Variants in LRRC8D observed in about 807,000 individuals in gnomAD.
LRRC8D encodes volume-regulated anion channel subunit LRRC8D.
In LRRC8D, 20 loss-of-function variants were observed where a neutral mutation model predicts 55.8. That is an observed-to-expected ratio of 0.36 (90% CI 0.25 to 0.52). The LOEUF (loss-of-function observed/expected upper bound fraction) is 0.52. Ranked by LOEUF, LRRC8D falls within the 20% of genes least tolerant of loss-of-function variation. The pLI, the probability that LRRC8D is intolerant of heterozygous loss-of-function variation, is 0.93. For missense variants in LRRC8D, 651 were observed against 1,030.8 expected (o/e 0.63, Z 5.05); for synonymous variants, 352 against 377.0 (o/e 0.93, Z 0.77).
Position 89,933,375 on chromosome 1 carries a change from T to G in LRRC8D, c.307T>G (p.Ser103Ala). 1 of 1,614,116 alleles carries G rather than the reference T, an allele frequency of 6.2e-7. No homozygotes were observed. Among genetic ancestry groups the G allele is most frequent in the Non-Finnish European group, 8.5e-7 (1 of 1,180,028 alleles). ...RTTNDISFGT[S>A]AVTPDIPLRA... ...AACAAACGACATTTCCTTTGGGACA[T>G]CTGCTGTGACACCTGACATACCTCT... The change falls in exon 3 of 3, where the codon TCT becomes GCT. Residue 103 changes from serine (S) to alanine (A), a missense_variant. By Grantham distance (99) the Ser-to-Ala change is moderately conservative. Around this residue, in one of 5 missense-constraint regions of LRRC8D, gnomAD observed 118 missense variants for 138.0 expected, o/e 0.85. Transcript: ENST00000337338. The surrounding 1 kb of genome is among the most constrained non-coding windows in gnomAD (Gnocchi z 7.0).
intron 1 of LRRC8D, among the ~76,000 whole-genome samples, chr1:89,834,776 G>A (rs1660966389): frequency 6.6e-6 from 1 of 152,204 alleles, no homozygotes. Context: ...ATGGTGACAG[G>A]TAGAGAATTG....
chr1:89,866,834 A>C (rs182681357), intron 2 of LRRC8D, among the ~76,000 whole-genome samples: 1 of 152,178 alleles, frequency 6.6e-6, no homozygotes, highest in Non-Finnish European at 1.5e-5. Flanking sequence ...GCAGGGCAGC[A>C]AGGAGAGTTA....
At chr1:89,860,756 CAAAAAAAAAA>C (rs1181859656) in intron 2 of LRRC8D, among the ~76,000 whole-genome samples, 2 of 18,842 alleles carry the variant, frequency 1.1e-4, no homozygotes, top group Non-Finnish European at 1.7e-4. Context: ...GACTCTATCT[CAAAAAAAAAA>C]AAAAAAAAAA....
At chr1:89,899,128 A>C (rs1220513208) in intron 2 of LRRC8D, among the ~76,000 whole-genome samples, 2 of 152,224 alleles carry the variant, frequency 1.3e-5, no homozygotes, top group Admixed American at 1.3e-4. Context: ...ATTCAGGTGT[A>C]GATTCAAGGG....
At chr1:89,896,790 T>C (rs1662725407) in intron 2 of LRRC8D, among the ~76,000 whole-genome samples, 1 of 152,214 alleles carries the variant, frequency 6.6e-6, no homozygotes, top group South Asian at 2.1e-4. Context: ...TCCTCTCTTT[T>C]CTTGTGAATC....
intron 2 of LRRC8D, among the ~76,000 whole-genome samples, chr1:89,920,414 A>C (rs1663381190): frequency 6.6e-6 from 1 of 152,188 alleles, no homozygotes. Flanking sequence ...CTAATGTGAA[A>C]TCTGAGATTG....
chr1:89,906,096 T>G (rs947114761), intron 2 of LRRC8D, among the ~76,000 whole-genome samples: 2 of 152,228 alleles, frequency 1.3e-5, no homozygotes, highest in Non-Finnish European at 2.9e-5. Flanking sequence ...GGCAGCCGCA[T>G]TGTTCCCTGG....
chr1:89,845,625 C>T (rs1357447092), intron 2 of LRRC8D, among the ~76,000 whole-genome samples: 2 of 151,854 alleles, frequency 1.3e-5, no homozygotes, highest in Non-Finnish European at 2.9e-5. Context: ...TTAGTAGAGA[C>T]AGGGTTTCAC....
intron 2 of LRRC8D, among the ~76,000 whole-genome samples, chr1:89,908,182 A>G (rs1409084905): frequency 6.6e-6 from 1 of 152,192 alleles, no homozygotes; most frequent in Non-Finnish European, 1.5e-5. Flanking sequence ...ATATTTGTGA[A>G]AGCTTTGAAA....
intron 2 of LRRC8D, among the ~76,000 whole-genome samples, chr1:89,895,548 A>AC (rs5776029): frequency 0.37 from 56,897 of 151,980 alleles, 11,094 homozygotes; most frequent in African/African-American, 0.46. Flanking sequence ...TTAAAGATGT[A>AC]CTGTTTGTTT....
rs927632655 is a variant in LRRC8D at position 89,843,557 on chromosome 1, C to G, written c.-147-81C>G. ...AGCGGTGACCCCCTGGTCTTGCCTCCCCGCCGCCCTGCACTCCTTCCTCCC... is the reference window on the plus strand; with the variant it reads ...AGCGGTGACCCCCTGGTCTTGCCTCGCCGCCGCCCTGCACTCCTTCCTCCC... On this transcript the variant is annotated intron_variant, in intron 1 of 2. Transcript: ENST00000337338. 8 of 687,178 alleles carry G rather than the reference C, an allele frequency of 1.2e-5. No individual in the cohort carries two copies. The African/African-American group carries it at 1.4e-4, about 12-fold the overall frequency. 42.6% of individuals were successfully genotyped at this position (687,178 alleles called of 1,614,324 possible). A position where few individuals can be genotyped will look rare whatever the true frequency, so the allele number is the denominator to read the frequency against.
intron 2 of LRRC8D, among the ~76,000 whole-genome samples, chr1:89,926,733 GA>G (rs1351432755): frequency 1.8e-4 from 27 of 152,260 alleles, no homozygotes; most frequent in Admixed American, 1.4e-3. Context: ...GGGTTATTAT[GA>G]AAATAAATAG....
intron 2 of LRRC8D, among the ~76,000 whole-genome samples, chr1:89,868,812 C>G (rs1661920127): frequency 6.6e-6 from 1 of 152,192 alleles, no homozygotes; most frequent in African/African-American, 2.4e-5. Flanking sequence ...ACAAAAATGT[C>G]TTTCTTATTC....
At chr1:89,919,694 C>T (rs1305052741) in intron 2 of LRRC8D, among the ~76,000 whole-genome samples, 1 of 152,138 alleles carries the variant, frequency 6.6e-6, no homozygotes, top group Non-Finnish European at 1.5e-5. Context: ...TCTCTGGAGC[C>T]TTTATTAAGG....
intron 1 of LRRC8D, among the ~76,000 whole-genome samples, chr1:89,833,241 A>T (rs1372611527): frequency 6.6e-6 from 1 of 152,210 alleles, no homozygotes; most frequent in Non-Finnish European, 1.5e-5. Flanking sequence ...TGCCTCCCCA[A>T]ACCAAATGAA....
chr1:89,913,345 TATC>T (rs1300518487), intron 2 of LRRC8D, among the ~76,000 whole-genome samples: 1 of 152,224 alleles, frequency 6.6e-6, no homozygotes, highest in African/African-American at 2.4e-5. Context: ...ACTTAGTAGT[TATC>T]ATAGAAATGG....
At chr1:89,868,488 G>A (rs545978431) in intron 2 of LRRC8D, among the ~76,000 whole-genome samples, 5 of 152,108 alleles carry the variant, frequency 3.3e-5, no homozygotes, top group African/African-American at 7.2e-5. Flanking sequence ...TCCATGACAC[G>A]AATGAGGTTT....
At chr1:89,903,259 A>C (rs1249043428) in intron 2 of LRRC8D, among the ~76,000 whole-genome samples, 1 of 152,188 alleles carries the variant, frequency 6.6e-6, no homozygotes, top group Non-Finnish European at 1.5e-5. Context: ...AGCACTCTCC[A>C]TTTGAGTTGT....
chr1:89,929,591 C>G (rs1302040593), intron 2 of LRRC8D, among the ~76,000 whole-genome samples: 1 of 152,172 alleles, frequency 6.6e-6, no homozygotes, highest in African/African-American at 2.4e-5. Context: ...GACATCCTGG[C>G]CTCCCTAGAA....
Sources: gnomAD v4.1 joint callset for allele counts (sites outside exome capture counted in the v4.1 genomes callset) on GRCh38, gnomAD v4.1.1 for gene constraint, gnomAD v4.1.1 regional missense constraint, Gnocchi (gnomAD v3.1) non-coding constraint, MANE v1.5 for transcripts, NCBI Gene and HGNC (gene_info 2026-07-23, HGNC 2026-07-21) for gene names.